Variants in TRHDE observed in about 807,000 individuals in gnomAD.
TRHDE encodes the protein thyrotropin releasing hormone degrading enzyme, also known as thyrotropin-releasing hormone-degrading ectoenzyme.
A neutral mutation model predicts 125.7 loss-of-function variants in TRHDE; 72 were observed. That is an observed-to-expected ratio of 0.57 (90% CI 0.47 to 0.70). The LOEUF (loss-of-function observed/expected upper bound fraction) is 0.70, where lower values mean the gene tolerates loss of function less well. TRHDE is among the 30% of genes least tolerant of loss of function. The probability of loss-of-function intolerance (pLI) is 0.00; values close to 1 mark genes in which losing one functional copy is unlikely to be tolerated. For synonymous variants in TRHDE, 509 were observed against 509.1 expected (o/e 1.00, Z 0.00); for missense variants, 1,110 against 1,327.1 (o/e 0.84, Z 2.54).
intron 15 of TRHDE, among the ~76,000 whole-genome samples, chr12:72,633,279 T>C (rs1013679744): frequency 6.6e-6 from 1 of 152,056 alleles, no homozygotes; most frequent in African/African-American, 2.4e-5. Flanking sequence ...TCTTTTCATA[T>C]AGAAAGAGCT....
At chr12:72,266,702 T>C (rs376091444) in intron 2 of TRHDE, among the ~76,000 whole-genome samples, 5 of 151,944 alleles carry the variant, frequency 3.3e-5, no homozygotes, top group South Asian at 4.2e-4. Flanking sequence ...ATTATGCAAT[T>C]GGATAGTTTA....
At chr12:72,212,262 A>T (rs1877798543) in intron 2 of TRHDE, among the ~76,000 whole-genome samples, 1 of 152,132 alleles carries the variant, frequency 6.6e-6, no homozygotes, top group Admixed American at 6.6e-5. Flanking sequence ...AAATGTAAGA[A>T]GATAAAACTA....
intron 4 of TRHDE, among the ~76,000 whole-genome samples, chr12:72,471,170 G>A (rs917459513): frequency 6.6e-6 from 1 of 152,016 alleles, no homozygotes; most frequent in African/African-American, 2.4e-5. Context: ...GAGCCACCGT[G>A]CCCAGCCCCT....
At chr12:72,651,605 TAAAG>T (rs1464894111) in intron 15 of TRHDE, among the ~76,000 whole-genome samples, 1 of 151,844 alleles carries the variant, frequency 6.6e-6, no homozygotes, top group Non-Finnish European at 1.5e-5. Flanking sequence ...TACCAAAACT[TAAAG>T]AAATAATATT....
At chr12:72,109,952 C>G (rs1350129728) in intron 2 of TRHDE, among the ~76,000 whole-genome samples, 1 of 152,064 alleles carries the variant, frequency 6.6e-6, no homozygotes, top group African/African-American at 2.4e-5. Flanking sequence ...TAGGTACTTT[C>G]CTTCGAATTA....
At chr12:72,312,037 T>C (rs1274987334) in intron 2 of TRHDE, among the ~76,000 whole-genome samples, 1 of 152,160 alleles carries the variant, frequency 6.6e-6, no homozygotes, top group Non-Finnish European at 1.5e-5. Context: ...CTGCCACATA[T>C]GTTATAGACA....
At chr12:72,341,146 A>G (rs930457904) in intron 2 of TRHDE, among the ~76,000 whole-genome samples, 76 of 135,074 alleles carry the variant, frequency 5.6e-4, no homozygotes, top group African/African-American at 2.2e-3. Flanking sequence ...TTTTTTTTTT[A>G]ATTATACTCT....
At chr12:72,225,503 T>C (rs1156835566) in intron 2 of TRHDE, among the ~76,000 whole-genome samples, 1 of 152,192 alleles carries the variant, frequency 6.6e-6, no homozygotes, top group African/African-American at 2.4e-5. Flanking sequence ...AATGGGAGGA[T>C]GAAGTATCAG....
At chr12:72,402,567 C>T (rs1007526675) in intron 3 of TRHDE, among the ~76,000 whole-genome samples, 11 of 152,110 alleles carry the variant, frequency 7.2e-5, no homozygotes, top group Non-Finnish European at 1.3e-4. Context: ...CTTTTTATAT[C>T]GACACCAGTC....
At chr12:72,529,708 G>A (rs1377416838) in intron 6 of TRHDE, among the ~76,000 whole-genome samples, 3 of 152,092 alleles carry the variant, frequency 2.0e-5, no homozygotes, top group African/African-American at 4.8e-5. Context: ...TGTGTATCCA[G>A]GTAGAGAAAT....
chr12:72,262,761 T>C (rs1173129408), intron 2 of TRHDE: 2 of 152,192 alleles, frequency 1.3e-5, no homozygotes, highest in African/African-American at 4.8e-5. Flanking sequence ...TTTGATTTTC[T>C]GTCTATAAGA....
chr12:72,579,277 A>G (rs985274838), intron 12 of TRHDE, among the ~76,000 whole-genome samples: 3 of 152,092 alleles, frequency 2.0e-5, no homozygotes, highest in Non-Finnish European at 2.9e-5. Flanking sequence ...CTGCATTATA[A>G]TGAATGGTAT....
At chr12:72,410,674 C>T (rs1333865923) in intron 3 of TRHDE, among the ~76,000 whole-genome samples, 3 of 151,948 alleles carry the variant, frequency 2.0e-5, no homozygotes, top group Admixed American at 2.0e-4. Flanking sequence ...TAGTTCATGA[C>T]AAAACTTAGC....
intron 2 of TRHDE, among the ~76,000 whole-genome samples, chr12:72,123,376 A>AG (rs997560045): frequency 5.3e-5 from 8 of 152,158 alleles, no homozygotes; most frequent in African/African-American, 1.9e-4. Context: ...TATATTAAAA[A>AG]TAATACATTT....
At chr12:72,295,663 G>T (rs1197805995) in intron 2 of TRHDE, among the ~76,000 whole-genome samples, 1 of 152,096 alleles carries the variant, frequency 6.6e-6, no homozygotes, top group Non-Finnish European at 1.5e-5. Context: ...TTTTCTAGAT[G>T]TGATATTCTG....
intron 2 of TRHDE, among the ~76,000 whole-genome samples, chr12:72,125,422 G>C (rs1409517588): frequency 6.6e-6 from 1 of 152,124 alleles, no homozygotes; most frequent in African/African-American, 2.4e-5. Flanking sequence ...AGGTGCCCAT[G>C]ATAGAGTTGG....
chr12:72,258,459 T>A (rs1592503078), intron 2 of TRHDE, among the ~76,000 whole-genome samples: 1 of 152,266 alleles, frequency 6.6e-6, no homozygotes, highest in South Asian at 2.1e-4. Flanking sequence ...CCCATTAATG[T>A]CCCTTTCTTG....
At chr12:72,120,121 G>A (rs1020827328) in intron 2 of TRHDE, among the ~76,000 whole-genome samples, 3 of 151,662 alleles carry the variant, frequency 2.0e-5, no homozygotes, top group African/African-American at 7.3e-5. Flanking sequence ...GGTGATCTTG[G>A]CTCACTGCAA....
chr12:72,432,442 C>G (rs998472103), intron 3 of TRHDE, among the ~76,000 whole-genome samples: 1 of 152,162 alleles, frequency 6.6e-6, no homozygotes, highest in African/African-American at 2.4e-5. Flanking sequence ...AGTAAACAAC[C>G]TTGTTTAAGA....
Sources: allele counts gnomAD v4.1 joint callset (sites outside exome capture counted in the v4.1 genomes callset), GRCh38; gene constraint gnomAD v4.1.1; transcripts MANE v1.5; gene names NCBI Gene and HGNC (gene_info 2026-07-23, HGNC 2026-07-21).